The following FRY variants were observed in gnomAD, a reference collection of about 807,000 sequenced individuals.
The protein encoded by FRY is protein furry homolog.
In FRY, 128 loss-of-function variants were observed where a neutral mutation model predicts 348.4. That is an observed-to-expected ratio of 0.37 (90% CI 0.32 to 0.43). The LOEUF is 0.43. FRY is among the 20% of genes least tolerant of loss of function. The pLI is 1.00. For synonymous variants in FRY, 1,370 were observed against 1,374.7 expected (o/e 1.00, Z 0.08); for missense variants, 2,736 against 3,695.2 (o/e 0.74, Z 6.73).
At chr13:32,275,100 C>T (rs751497911) in intron 56 of FRY, 109 bp downstream of exon 56, 50 of 1,009,648 alleles carry the variant, frequency 5.0e-5, no homozygotes, top group Middle Eastern at 2.0e-4. Flanking sequence ...ACCTTCTGGC[C>T]GGGTGCGGTG....
intron 1 of FRY, among the ~76,000 whole-genome samples, chr13:32,052,119 A>G (rs1873362871): frequency 6.6e-6 from 1 of 152,202 alleles, no homozygotes; most frequent in Non-Finnish European, 1.5e-5. Context: ...TTTTCCTGGC[A>G]TTTATTGAGT....
At chr13:32,146,525 G>A (rs1482308408) in intron 11 of FRY, among the ~76,000 whole-genome samples, 1 of 151,894 alleles carries the variant, frequency 6.6e-6, no homozygotes, top group African/African-American at 2.4e-5. Context: ...TAGTAGAGAC[G>A]GGATTTCACC....
At chr13:32,257,088 A>G (rs1887378441) in intron 51 of FRY, among the ~76,000 whole-genome samples, 1 of 152,222 alleles carries the variant, frequency 6.6e-6, no homozygotes, top group Non-Finnish European at 1.5e-5. Context: ...ATATCTCATT[A>G]TGTATATGCA....
rs994519730 is a variant in FRY at position 32,244,302 on chromosome 13, T to C, written c.6828+120T>C. ...CCACTCATTCATTCCTTGACATCCA[T>C]GGCACAGCCAGGGCAGTTAAGAGTG... On this transcript the variant is annotated intron_variant, in intron 47 of 60. Transcript: ENST00000542859. The C allele has an allele frequency of 8.8e-6, 8 of 909,846 alleles. No homozygotes were observed. The Admixed American group carries it at 1.1e-4, about 12-fold the overall frequency. The allele number at this position is 909,846 out of a possible 1,614,324, so 56.4% of individuals were successfully genotyped here.
chr13:32,281,097 A>G (rs947809965), intron 58 of FRY, among the ~76,000 whole-genome samples: 1 of 152,180 alleles, frequency 6.6e-6, no homozygotes, highest in Non-Finnish European at 1.5e-5. Flanking sequence ...TGTTTTTACT[A>G]AACCCAAGGA....
At chr13:32,266,289 G>C (rs960154146) in intron 54 of FRY, among the ~76,000 whole-genome samples, 1 of 152,148 alleles carries the variant, frequency 6.6e-6, no homozygotes, top group Non-Finnish European at 1.5e-5. Flanking sequence ...CAAAGGAAAA[G>C]GTTAAGGTAA....
intron 2 of FRY, among the ~76,000 whole-genome samples, chr13:32,096,315 C>T (rs1179273318): frequency 6.6e-6 from 1 of 151,956 alleles, no homozygotes; most frequent in African/African-American, 2.4e-5. Flanking sequence ...TGATAACTTC[C>T]AACTGTGTAC....
intron 36 of FRY, among the ~76,000 whole-genome samples, chr13:32,221,433 C>T (rs1452217361): frequency 6.6e-6 from 1 of 152,212 alleles, no homozygotes; most frequent in Non-Finnish European, 1.5e-5. Context: ...ACCTGTATTG[C>T]TCTTCTTAAA....
intron 1 of FRY, among the ~76,000 whole-genome samples, chr13:32,072,340 T>C (rs1874714780): frequency 6.6e-6 from 1 of 152,230 alleles, no homozygotes; most frequent in Non-Finnish European, 1.5e-5. Context: ...TTTTACATGA[T>C]ATTCTTTTCT....
chr13:32,248,778 G>C (rs1177811050), intron 48 of FRY, among the ~76,000 whole-genome samples: 1 of 152,174 alleles, frequency 6.6e-6, no homozygotes, highest in African/African-American at 2.4e-5. Context: ...AGGGGGAAAA[G>C]CTATTTTTTC....
At chr13:32,109,072 A>G (rs1877769301) in intron 3 of FRY, among the ~76,000 whole-genome samples, 1 of 152,202 alleles carries the variant, frequency 6.6e-6, no homozygotes, top group South Asian at 2.1e-4. Context: ...GGCATTGATA[A>G]AGATTCTAAG....
Position 32,182,984 on chromosome 13 carries a change from G to C in FRY, c.3004G>C (p.Val1002Leu). The C allele has an allele frequency of 2.5e-6, 4 of 1,601,384 alleles. No homozygotes were observed. Among genetic ancestry groups the C allele is most frequent in the Non-Finnish European group, 2.6e-6 (3 of 1,169,074 alleles). The change falls in exon 24 of 61, where the codon GTA becomes CTA. Residue 1002 changes from valine (V) to leucine (L), a missense_variant. Val to Leu is a conservative substitution (Grantham distance 32, BLOSUM62 1). Coordinates refer to ENST00000542859, the MANE Select transcript of FRY (RefSeq NM_023037.3). ...RTNSLVFRELVEELHPLMKEA... is the reference protein window; with the variant it reads ...RTNSLVFRELLEELHPLMKEA... ...GACCTTTTTCCTCCACAGAGAATTGGTAGAAGAACTTCATCCATTAATGAA... is the reference window on the plus strand; with the variant it reads ...GACCTTTTTCCTCCACAGAGAATTGCTAGAAGAACTTCATCCATTAATGAA...
At chr13:32,043,811 C>T (rs1242737425) in intron 1 of FRY, among the ~76,000 whole-genome samples, 1 of 152,190 alleles carries the variant, frequency 6.6e-6, no homozygotes, top group Non-Finnish European at 1.5e-5. Context: ...ATTATACTCA[C>T]TCAAAAAGAA....
At chr13:32,101,942 A>G (rs768755863) in intron 2 of FRY, 21 bp from the exon 3 acceptor site, 40 of 1,297,128 alleles carry the variant, frequency 3.1e-5, no homozygotes, top group Middle Eastern at 1.8e-4. Context: ...TTATTCTTGC[A>G]TATATTCTTT....
intron 39 of FRY, 51 bp from the exon 40 acceptor site, chr13:32,228,405 T>C: frequency 2.2e-6 from 3 of 1,352,338 alleles, no homozygotes; most frequent in Non-Finnish European, 3.2e-6. Flanking sequence ...TTAAGCATGC[T>C]GACAAGCACA....
chr13:32,063,870 G>C (rs1593573377), intron 1 of FRY, among the ~76,000 whole-genome samples: 1 of 152,194 alleles, frequency 6.6e-6, no homozygotes, highest in Non-Finnish European at 1.5e-5. Flanking sequence ...TCTTCTGGTA[G>C]TTCTGATGCG....
intron 1 of FRY, among the ~76,000 whole-genome samples, chr13:32,074,707 G>C (rs1874911829): frequency 1.3e-5 from 2 of 152,200 alleles, no homozygotes; most frequent in Non-Finnish European, 2.9e-5. Flanking sequence ...AAATTTTAAT[G>C]GGGGTTTTTA....
At chr13:32,267,057 A>G (rs1433770105) in intron 54 of FRY, 113 bp from the exon 55 acceptor site, 4 of 904,668 alleles carry the variant, frequency 4.4e-6, no homozygotes, top group Non-Finnish European at 7.3e-6. Context: ...CAAAAGGAAG[A>G]GTGGGTAGAA....
At chr13:32,046,047 C>T (rs1873000025) in intron 1 of FRY, among the ~76,000 whole-genome samples, 1 of 152,208 alleles carries the variant, frequency 6.6e-6, no homozygotes, top group African/African-American at 2.4e-5. Flanking sequence ...CACAAAACAA[C>T]AGCCATCAAA....
Sources: gnomAD v4.1 joint callset for allele counts (sites outside exome capture counted in the v4.1 genomes callset) on GRCh38, gnomAD v4.1.1 for gene constraint, MANE v1.5 for transcripts, NCBI Gene and HGNC (gene_info 2026-07-23, HGNC 2026-07-21) for gene names.